The following PRELID2 variants were observed in gnomAD, a reference collection of about 807,000 sequenced individuals.
The protein encoded by PRELID2 is PRELI domain-containing protein 2.
PRELID2 carries 25 observed loss-of-function variants against 28.4 expected under a neutral mutation model. That is an observed-to-expected ratio of 0.88 (90% CI 0.64 to 1.23). The LOEUF is 1.23. Among genes scored for constraint, PRELID2 ranks in the 50% most tolerant of loss-of-function variants. The probability of loss-of-function intolerance (pLI) is 0.00; values close to 1 mark genes in which losing one functional copy is unlikely to be tolerated. For missense variants in PRELID2, 201 were observed against 214.4 expected, an observed-to-expected ratio of 0.94 and a Z score of 0.39; for synonymous variants, 76 against 71.6, an observed-to-expected ratio of 1.06 and a Z score of -0.31.
intron 1 of PRELID2, among the ~76,000 whole-genome samples, chr5:145,604,302 G>T (rs1409313367): frequency 6.6e-6 from 1 of 151,960 alleles, no homozygotes; most frequent in African/African-American, 2.4e-5. Flanking sequence ...GTGTCCATAG[G>T]TACTCAAGGT....
chr5:145,561,186 C>T (rs902929156), intron 1 of PRELID2, among the ~76,000 whole-genome samples: 4 of 152,194 alleles, frequency 2.6e-5, no homozygotes, highest in Admixed American at 6.5e-5. Flanking sequence ...TGTACCATGA[C>T]TTCTACTTAG....
chr5:145,574,202 A>T (rs1163526560), intron 1 of PRELID2, among the ~76,000 whole-genome samples: 1 of 152,162 alleles, frequency 6.6e-6, no homozygotes, highest in Non-Finnish European at 1.5e-5. Context: ...GATGTAGGAA[A>T]AGAGCCATGA....
intron 1 of PRELID2, among the ~76,000 whole-genome samples, chr5:145,746,637 T>C (rs567799485): frequency 3.9e-5 from 6 of 152,194 alleles, no homozygotes; most frequent in African/African-American, 1.4e-4. Context: ...GACAGAAAAT[T>C]AACAAAGATA....
intron 1 of PRELID2, among the ~76,000 whole-genome samples, chr5:145,647,992 G>A (rs899301521): frequency 1.3e-5 from 2 of 152,192 alleles, no homozygotes; most frequent in Non-Finnish European, 2.9e-5. Flanking sequence ...TGGCCATCTT[G>A]CCAGCAATCT....
chr5:145,800,930 T>C (rs1394089026), intron 4 of PRELID2, among the ~76,000 whole-genome samples: 2 of 152,036 alleles, frequency 1.3e-5, no homozygotes, highest in Non-Finnish European at 2.9e-5. Context: ...ACACAACACA[T>C]GGTTTAATTT....
chr5:145,654,146 T>C (rs1269410098), intron 1 of PRELID2, among the ~76,000 whole-genome samples: 1 of 152,118 alleles, frequency 6.6e-6, no homozygotes, highest in Non-Finnish European at 1.5e-5. Flanking sequence ...CTAGAAAATC[T>C]AGAAGAAATG....
chr5:145,298,089 C>A, the PRELID2 span, among the ~76,000 whole-genome samples: 1 of 151,772 alleles, frequency 6.6e-6, no homozygotes, highest in Admixed American at 6.6e-5. Flanking sequence ...AAGCTACCAA[C>A]GACTTTCTTC....
intron 1 of PRELID2, among the ~76,000 whole-genome samples, chr5:145,614,377 G>C (rs771566312): frequency 6.6e-6 from 1 of 152,120 alleles, no homozygotes; most frequent in Non-Finnish European, 1.5e-5. Context: ...TATTTTGATG[G>C]GGATTGCACT....
intron 1 of PRELID2, among the ~76,000 whole-genome samples, chr5:145,531,805 T>C (rs1024709476): frequency 6.6e-6 from 1 of 152,138 alleles, no homozygotes; most frequent in African/African-American, 2.4e-5. Context: ...CTAACCAATA[T>C]CTACTGTCCT....
the PRELID2 span, among the ~76,000 whole-genome samples, chr5:145,458,134 T>C: frequency 6.6e-6 from 1 of 152,216 alleles, no homozygotes; most frequent in Non-Finnish European, 1.5e-5. Context: ...TCAAAGATAC[T>C]TTGCTACTTT....
the PRELID2 span, among the ~76,000 whole-genome samples, chr5:145,272,973 G>T: frequency 6.6e-6 from 1 of 152,066 alleles, no homozygotes; most frequent in Non-Finnish European, 1.5e-5. Flanking sequence ...CAGAGTGCGT[G>T]GGACAAATAC....
At chr5:145,293,621 A>C in the PRELID2 span, among the ~76,000 whole-genome samples, 2 of 152,208 alleles carry the variant, frequency 1.3e-5, no homozygotes, top group Admixed American at 1.3e-4. Flanking sequence ...AAGGGGTTGA[A>C]TATGCGTAGA....
intron 1 of PRELID2, among the ~76,000 whole-genome samples, chr5:145,682,985 T>A (rs562066297): frequency 6.6e-6 from 1 of 152,310 alleles, no homozygotes; most frequent in East Asian, 1.9e-4. Flanking sequence ...ATAATTAATT[T>A]ATGATTCTAA....
the PRELID2 span, among the ~76,000 whole-genome samples, chr5:145,335,873 G>C: frequency 5.9e-5 from 9 of 152,302 alleles, no homozygotes; most frequent in African/African-American, 1.4e-4. Flanking sequence ...GGTTGAACTT[G>C]TTTACAGTCC....
chr5:145,241,452 G>A, the PRELID2 span, among the ~76,000 whole-genome samples: 38 of 151,976 alleles, frequency 2.5e-4, no homozygotes, highest in African/African-American at 9.2e-4. Flanking sequence ...AATGTATATC[G>A]CATTGCATTT....
Position 145,749,550 on chromosome 5 carries a change from G to C in PRELID2, n.70+15381C>G, listed in dbSNP as rs9986160. Among the ~76,000 whole-genome samples, 1,441 of 152,308 alleles carry C rather than the reference G, an allele frequency of 9.5e-3. 17 individuals carry two copies. Among genetic ancestry groups the C allele is most frequent in the African/African-American group, 0.032 (1,325 of 41,558 alleles). On this transcript the variant is annotated intron_variant and non_coding_transcript_variant, in intron 1 of 2. Coordinates refer to the PRELID2 transcript ENST00000510259. ...ATTAGTTCAACCATTGTGGAAGACA[G>C]TATGGCGATTCCCCAAAGATCTAGA... is the stretch of plus-strand genomic sequence containing the variant.
At chr5:145,481,623 C>CGAAAAAAAAAAAAAAA (rs1752160143) in intron 1 of PRELID2, among the ~76,000 whole-genome samples, 1 of 41,862 alleles carries the variant, frequency 2.4e-5, no homozygotes, top group Non-Finnish European at 3.8e-5. Context: ...GCAAGGAAAT[C>CGAAAAAAAAAAAAAAA]AAAAAAAAAA....
chr5:145,592,351 C>T lies in PRELID2; in HGVS notation n.71-119036G>A, dbSNP rs115358637. On this transcript the variant is annotated intron_variant and non_coding_transcript_variant, in intron 1 of 2. Transcript: ENST00000510259. Reference sequence around the variant, plus strand: ...ACACTGAGGAAGGGATGCTGTAAGGCGGAGGCTGCAGTGAGCCAAGATCAC... The same window carrying T: ...ACACTGAGGAAGGGATGCTGTAAGGTGGAGGCTGCAGTGAGCCAAGATCAC... 6.2e-3 allele frequency among the ~76,000 whole-genome samples: 940 copies of T among 152,034 alleles called. 12 individuals are homozygous for T. Among genetic ancestry groups the T allele is most frequent in the African/African-American group, 0.02 (835 of 41,480 alleles).
rs753473049 is a variant in PRELID2 at position 145,796,417 on chromosome 5, T to C, written c.474+25A>G. 8 of 1,490,380 alleles carry C rather than the reference T, an allele frequency of 5.4e-6. 1 individual carries two copies. The East Asian group carries it at 9.1e-5, about 17-fold the overall frequency. 92.3% of individuals were successfully genotyped at this position (1,490,380 alleles called of 1,614,324 possible). ...TCCTATTGTTTTTTAAAATTAATGT[T>C]GGTTCAAAGCAGAAATATGGTTACC... is the stretch of plus-strand genomic sequence containing the variant. On this transcript the variant is annotated intron_variant, in intron 5 of 6. Coordinates refer to ENST00000683046, the MANE Select transcript of PRELID2 (RefSeq NM_205846.3).
Sources: gnomAD v4.1 joint callset for allele counts (sites outside exome capture counted in the v4.1 genomes callset) on GRCh38, gnomAD v4.1.1 for gene constraint, MANE v1.5 for transcripts, NCBI Gene and HGNC (gene_info 2026-07-23, HGNC 2026-07-21) for gene names.